FBXO7: variants seen among roughly 807,000 people sequenced by gnomAD.
The protein encoded by FBXO7 is F-box protein 7, also known as F-box only protein 7.
FBXO7 carries 31 observed loss-of-function variants against 50.2 expected under a neutral mutation model. The observed-to-expected ratio is 0.62, with a 90% CI of 0.46 to 0.83. The LOEUF (loss-of-function observed/expected upper bound fraction) is 0.83, where lower values mean the gene tolerates loss of function less well. Ranked by LOEUF, FBXO7 falls within the 40% of genes least tolerant of loss-of-function variation. The pLI is 0.00. For synonymous variants in FBXO7, 256 were observed against 253.1 expected, an observed-to-expected ratio of 1.01 and a Z score of -0.11; for missense variants, 667 against 646.6, an observed-to-expected ratio of 1.03 and a Z score of -0.34.
intron 2 of FBXO7, among the ~76,000 whole-genome samples, chr22:32,480,300 C>G (rs2057456369): frequency 6.6e-6 from 1 of 152,142 alleles, no homozygotes; most frequent in Non-Finnish European, 1.5e-5. Flanking sequence ...GGTGTCTGTC[C>G]TCCTGTACCT....
intron 2 of FBXO7, among the ~76,000 whole-genome samples, chr22:32,481,275 G>C (rs926996564): frequency 1.3e-5 from 2 of 152,138 alleles, no homozygotes; most frequent in Admixed American, 1.3e-4. Flanking sequence ...GTAAACTGGG[G>C]AATGAGTAAG....
At position 32,498,165 on chromosome 22, in the gene FBXO7, C is replaced by CAA. The variant is rs749019340; in HGVS notation, c.1206_1207dup (p.Arg403LysfsTer11). The CAA allele has an allele frequency of 9.6e-5, 155 of 1,614,036 alleles. No homozygotes were observed. Among genetic ancestry groups the CAA allele is most frequent in the Non-Finnish European group, 1.2e-4 (136 of 1,180,024 alleles). ...ACAGCTGTACAGGAAGAGGCACATA[C>CAA]AAAGAAAAGAATCCCCGAAAGGGCG... On this transcript the variant is annotated frameshift_variant, in exon 9 of 9. Transcript: ENST00000266087. LOFTEE classifies it low-confidence loss of function (END_TRUNC).
chr22:32,494,244 C>A (rs2057557830), intron 7 of FBXO7, among the ~76,000 whole-genome samples: 1 of 151,758 alleles, frequency 6.6e-6, no homozygotes, highest in South Asian at 2.1e-4. Flanking sequence ...TTCCTGAGGT[C>A]CTCTTTCTGC....
At chr22:32,487,471 T>C (rs1244191876) in intron 4 of FBXO7, 1 of 317,790 alleles carries the variant, frequency 3.1e-6, no homozygotes, top group African/African-American at 2.1e-5. Flanking sequence ...TTGCATATCT[T>C]TAAGTTACTA....
chr22:32,489,578 A>G (rs1331041222), intron 5 of FBXO7: 1 of 152,244 alleles, frequency 6.6e-6, no homozygotes, highest in South Asian at 2.1e-4. Context: ...ATGGTGAAAT[A>G]CAGGATAGGA....
At chr22:32,486,256 A>T in intron 4 of FBXO7, among the ~76,000 whole-genome samples, 1 of 151,944 alleles carries the variant, frequency 6.6e-6, no homozygotes, top group African/African-American at 2.4e-5. Context: ...TCCTGCTAAA[A>T]TCTATTTTGA....
intron 5 of FBXO7, chr22:32,490,571 A>G (rs2057527997): frequency 6.3e-6 from 1 of 158,954 alleles, no homozygotes; most frequent in Non-Finnish European, 1.4e-5. Context: ...GCCACTAACC[A>G]TGGGGCCTTG....
In FBXO7 at chr22:32,491,071, T is replaced by TA. The variant is rs766157901; in HGVS notation, c.872-9dup. 1.0e-5 allele frequency: 16 copies of TA among 1,598,996 alleles called. No individual in the cohort carries two copies. Among genetic ancestry groups the TA allele is most frequent in the Admixed American group, 1.7e-5 (1 of 59,922 alleles). ...TTGATTTTGGGTTTTGATTTTACTT[T>TA]AAAAAATATTCTAGGGGAAAATGTA... On this transcript the variant is annotated splice_polypyrimidine_tract_variant and intron_variant, in intron 5 of 8. Transcript: ENST00000266087.
At chr22:32,484,594 G>C (rs927856878) in intron 3 of FBXO7, among the ~76,000 whole-genome samples, 5 of 152,086 alleles carry the variant, frequency 3.3e-5, no homozygotes, top group African/African-American at 1.2e-4. Context: ...ATAGAGGAGA[G>C]AGATGAATAA....
Position 32,479,055 on chromosome 22 carries a change from A to T in FBXO7, c.197A>T (p.Tyr66Phe). ...LTGDEETLASYGIVSGDLICL... is the reference protein window; with the variant it reads ...LTGDEETLASFGIVSGDLICL... ...GGAGATGAAGAGACCTTGGCTTCAT[A>T]TGGGATTGTTTCTGGGGACTTGATA... The change falls in exon 2 of 9, where the codon TAT (tyrosine) becomes TTT (phenylalanine). Residue 66 changes from tyrosine to phenylalanine, a missense_variant. Tyr to Phe is a conservative substitution (Grantham distance 22). Coordinates refer to ENST00000266087, the MANE Select transcript of FBXO7 (RefSeq NM_012179.4). 6.2e-7 allele frequency: 1 copy of T among 1,614,202 alleles called. No individual in the cohort carries two copies. Among genetic ancestry groups the T allele is most frequent in the Admixed American group, 1.7e-5 (1 of 60,030 alleles).
At chr22:32,476,336 G>A (rs1169824448) in intron 1 of FBXO7, among the ~76,000 whole-genome samples, 2 of 152,116 alleles carry the variant, frequency 1.3e-5, no homozygotes, top group Non-Finnish European at 2.9e-5. Flanking sequence ...TAGGTTACGA[G>A]TAGAAGATTG....
rs956206561 is a variant in FBXO7, at chr22:32,474,986, G to T, written c.-17G>T. Reference sequence around the variant, plus strand: ...GCCGCTTCCGGGTCCAGGCCCCTCGGGCCGCCTGCCGCCGTCATGAGGCTG... The same window carrying T: ...GCCGCTTCCGGGTCCAGGCCCCTCGTGCCGCCTGCCGCCGTCATGAGGCTG... On this transcript the variant is annotated 5_prime_UTR_variant, in exon 1 of 9. Coordinates refer to ENST00000266087, the MANE Select transcript of FBXO7 (RefSeq NM_012179.4). 1.3e-6 allele frequency: 2 copies of T among 1,531,292 alleles called. No individual in the cohort carries two copies. 94.9% of individuals were successfully genotyped at this position (1,531,292 alleles called of 1,614,324 possible). A position where few individuals can be genotyped will look rare whatever the true frequency, so the allele number is the denominator to read the frequency against.
intron 7 of FBXO7, among the ~76,000 whole-genome samples, chr22:32,493,557 TAGTC>T (rs1340448551): frequency 1.3e-5 from 2 of 152,226 alleles, no homozygotes; most frequent in African/African-American, 4.8e-5. Context: ...CTAGAGACCA[TAGTC>T]AGTATCTGAC....
chr22:32,477,333 T>TC (rs577067100), intron 1 of FBXO7, among the ~76,000 whole-genome samples: 61 of 152,344 alleles, frequency 4.0e-4, no homozygotes, highest in Admixed American at 9.1e-4. Flanking sequence ...TTAAAGGACT[T>TC]CATCTTTTGT....
At position 32,493,295 on chromosome 22, in the gene FBXO7, T is replaced by C; in HGVS notation, c.1144+14T>C. The C allele has an allele frequency of 6.2e-7, 1 of 1,611,484 alleles. No individual in the cohort carries two copies. Among genetic ancestry groups the C allele is most frequent in the Non-Finnish European group, 8.5e-7 (1 of 1,177,608 alleles). ...GTGATTTTCGAGGTGATTTCCGTAATGACATATTCACAAGAAAGGGCTCTT... is the reference window on the plus strand; with the variant it reads ...GTGATTTTCGAGGTGATTTCCGTAACGACATATTCACAAGAAAGGGCTCTT... On this transcript the variant is annotated intron_variant, in intron 7 of 8. Transcript: ENST00000266087.
rs186797068 is a variant in FBXO7 at position 32,498,700 on chromosome 22, C to G, written c.*170C>G. 136 of 755,970 alleles carry G rather than the reference C, an allele frequency of 1.8e-4. 1 individual carries two copies. In the East Asian group the frequency reaches 3.3e-3, roughly 18 times the overall value. 46.8% of individuals were successfully genotyped at this position (755,970 alleles called of 1,614,324 possible). A position where few individuals can be genotyped will look rare whatever the true frequency, so the allele number is the denominator to read the frequency against. ...TTATAGCCCTAGGGGTGGTATGACCCAAAGGTTCCTCTGTGACAAGGTTGG... is the reference window on the plus strand; with the variant it reads ...TTATAGCCCTAGGGGTGGTATGACCGAAAGGTTCCTCTGTGACAAGGTTGG... On this transcript the variant is annotated 3_prime_UTR_variant, in exon 9 of 9. Coordinates refer to ENST00000266087, the MANE Select transcript of FBXO7 (RefSeq NM_012179.4).
intron 1 of FBXO7, among the ~76,000 whole-genome samples, chr22:32,476,544 A>G (rs79610976): frequency 0.011 from 1,632 of 152,228 alleles, 39 homozygotes; most frequent in African/African-American, 0.037. Context: ...GTGAAAGTAA[A>G]CTCATTTTTT....
intron 4 of FBXO7, among the ~76,000 whole-genome samples, chr22:32,487,093 G>A (rs1324002686): frequency 6.6e-6 from 1 of 152,192 alleles, no homozygotes; most frequent in Non-Finnish European, 1.5e-5. Flanking sequence ...TCAGCTCTTG[G>A]CAGACTTGCA....
rs773040782 is a variant in FBXO7 at position 32,498,343 on chromosome 22, T to G, written c.1382T>G (p.Ile461Ser). Residue 461 changes from isoleucine to serine, a missense_variant, in exon 9 of 9, where the codon ATC becomes AGC. Physicochemically the swap from Ile to Ser is moderately radical, Grantham distance 142. Coordinates refer to ENST00000266087, the MANE Select transcript of FBXO7 (RefSeq NM_012179.4). ...RPTLPYVGDP[I>S]SSLIPGPGET... Reference sequence around the variant, plus strand: ...ACACTTCCCTATGTTGGAGACCCAATCAGTTCACTCATTCCTGGTCCTGGG... The same window carrying G: ...ACACTTCCCTATGTTGGAGACCCAAGCAGTTCACTCATTCCTGGTCCTGGG... 1.3e-5 allele frequency: 21 copies of G among 1,614,102 alleles called. No individual in the cohort carries two copies. Among genetic ancestry groups the G allele is most frequent in the Middle Eastern group, 1.6e-4 (1 of 6,062 alleles).
Sources: allele counts gnomAD v4.1 joint callset (sites outside exome capture counted in the v4.1 genomes callset), GRCh38; gene constraint gnomAD v4.1.1; transcripts MANE v1.5; gene names NCBI Gene and HGNC (gene_info 2026-07-23, HGNC 2026-07-21).